Variants in PDLIM7 observed in about 807,000 individuals in gnomAD.
PDLIM7 encodes PDZ and LIM domain protein 7.
Under a neutral mutation model 53.9 loss-of-function variants are expected in PDLIM7, and 37 were observed. The observed-to-expected ratio is 0.69, with a 90% confidence interval of 0.53 to 0.90. PDLIM7 has a LOEUF of 0.90. Ranked by LOEUF, PDLIM7 falls within the 40% of genes least tolerant of loss-of-function variation. PDLIM7 has a pLI of 0.00. For synonymous variants in PDLIM7, 300 were observed against 261.3 expected (o/e 1.15, Z -1.43); for missense variants, 617 against 638.5 (o/e 0.97, Z 0.36).
intron 8 of PDLIM7, 63 bp from the exon 9 acceptor site, chr5:177,489,690 A>T (rs1758647518): frequency 6.7e-7 from 1 of 1,489,770 alleles, no homozygotes; most frequent in Admixed American, 2.2e-5. Context: ...GTGGAGCCCC[A>T]GGCAGCTGAG....
At chr5:177,486,322 G>A (rs1230643555) in intron 10 of PDLIM7, among the ~76,000 whole-genome samples, 2 of 152,182 alleles carry the variant, frequency 1.3e-5, no homozygotes, top group Non-Finnish European at 2.9e-5. Context: ...TTCGGATGGT[G>A]CATTTCTGCC....
intron 2 of PDLIM7, among the ~76,000 whole-genome samples, chr5:177,495,369 G>T (rs192429834): frequency 1.3e-5 from 2 of 152,176 alleles, no homozygotes; most frequent in African/African-American, 4.8e-5. Context: ...GGCTGGGCTT[G>T]CCTTGGGCTT....
At chr5:177,490,538 G>T (rs752715444) in intron 7 of PDLIM7, 2 of 1,567,276 alleles carry the variant, frequency 1.3e-6, no homozygotes, top group Non-Finnish European at 8.6e-7. Context: ...CGCTGGTGGT[G>T]CCAGTCCCGG....
chr5:177,492,031 C>T (rs1411178084), intron 4 of PDLIM7, 106 bp from the exon 5 acceptor site: 7 of 455,112 alleles, frequency 1.5e-5, no homozygotes, highest in Non-Finnish European at 2.2e-5. Flanking sequence ...CAGCCCCCCA[C>T]CCCCACCCCA....
intron 9 of PDLIM7, among the ~76,000 whole-genome samples, chr5:177,488,985 T>C (rs567002069): frequency 1.3e-5 from 2 of 151,974 alleles, no homozygotes; most frequent in East Asian, 1.9e-4. Context: ...TGGGGGGTGT[T>C]TGATGCTGCT....
intron 1 of PDLIM7, chr5:177,496,875 C>CG (rs1018850041): frequency 1.8e-5 from 3 of 168,302 alleles, no homozygotes; most frequent in African/African-American, 7.2e-5. Context: ...AGTCAGGGGC[C>CG]GGCTCTCCTC....
At chr5:177,484,311 C>T (rs992562019) in intron 10 of PDLIM7, 121 bp from the exon 11 acceptor site, 1 of 1,203,074 alleles carries the variant, frequency 8.3e-7, no homozygotes. Context: ...CTACATCTAA[C>T]TGTTCAGGAC....
chr5:177,490,505 G>A (rs903173172), intron 7 of PDLIM7: 8 of 1,558,922 alleles, frequency 5.1e-6, no homozygotes, highest in Non-Finnish European at 6.9e-6. Context: ...GGCTACGACT[G>A]CACGTTGAGC....
Position 177,490,860 on chromosome 5 carries a change from G to T in PDLIM7, c.572+10C>A. 6.2e-7 allele frequency: 1 copy of T among 1,613,810 alleles called. No homozygotes were observed. Among genetic ancestry groups the T allele is most frequent in the Non-Finnish European group, 8.5e-7 (1 of 1,179,842 alleles). On this transcript the variant is annotated intron_variant, in intron 7 of 12. Coordinates refer to ENST00000355841, the MANE Select transcript of PDLIM7 (RefSeq NM_005451.5). ...GGAGGTGGGAGAGGGGCTGGTGCCC[G>T]TCCCTGTACCTTGATTTCTTCAGGT...
At chr5:177,492,221 TG>T in intron 4 of PDLIM7, 183 bp downstream of exon 4, 1 of 703,608 alleles carries the variant, frequency 1.4e-6, no homozygotes, top group Non-Finnish European at 2.3e-6. Flanking sequence ...CGGACATGCG[TG>T]GTGCCAGGAC....
intron 1 of PDLIM7, chr5:177,496,752 G>T (rs1463739327): frequency 8.9e-6 from 3 of 337,432 alleles, no homozygotes; most frequent in Admixed American, 5.0e-5. Flanking sequence ...GGACTGGAAC[G>T]GTGAGGGGTG....
intron 10 of PDLIM7, among the ~76,000 whole-genome samples, chr5:177,486,408 C>T (rs28717059): frequency 0.018 from 2,812 of 152,238 alleles, 89 homozygotes; most frequent in African/African-American, 0.065. Context: ...CCCTTCTCTT[C>T]AGTGAGGCCC....
At chr5:177,496,279 C>T in intron 2 of PDLIM7, 138 bp downstream of exon 2, 1 of 581,534 alleles carries the variant, frequency 1.7e-6, no homozygotes, top group Non-Finnish European at 2.9e-6. Flanking sequence ...CAGGCAGGTA[C>T]CACTACATCT....
chr5:177,491,279 G>T, intron 5 of PDLIM7, 133 bp from the exon 6 acceptor site: 2 of 1,435,014 alleles, frequency 1.4e-6, no homozygotes, highest in Non-Finnish European at 1.9e-6. Context: ...CAGGAGCCCT[G>T]CTGGGCGGGT....
At position 177,483,699 on chromosome 5, in the gene PDLIM7, A is replaced by G. The variant is rs762185180; in HGVS notation, c.1319T>C (p.Phe440Ser). ...GAGAGGCCTGTCCTTCTTGGAGTAG[A>G]AGGTCTTTCCTTCCAGGTTGATCTG... ...ICQINLEGKT[F>S]YSKKDRPLCK... The change falls in exon 13 of 13, where the codon TTC becomes TCC. Residue 440 changes from phenylalanine (F) to serine (S), a missense_variant. By Grantham distance (155) the Phe-to-Ser change is radical. Transcript: ENST00000355841. The G allele has an allele frequency of 6.2e-7, 1 of 1,613,296 alleles. No individual in the cohort carries two copies. The highest frequency in any genetic ancestry group is 1.7e-5 in the Admixed American group (1 of 59,994).
At position 177,489,825 on chromosome 5, in the gene PDLIM7, G is replaced by C. The variant is rs1758654962; in HGVS notation, c.580C>G (p.Pro194Ala). 1 of 1,585,820 alleles carries C rather than the reference G, an allele frequency of 6.3e-7. No homozygotes were observed. The highest frequency in any genetic ancestry group is 1.8e-5 in the Admixed American group (1 of 56,932). Residue 194 changes from proline to alanine, a missense_variant, in exon 8 of 13, where the codon CCC becomes GCC. Transcript: ENST00000355841. ...GCTGGGGCTGGGGCTTCTGTCCTGGGCACCTGGCTGCAAGATCTGCCATTC... is the reference window on the plus strand; with the variant it reads ...GCTGGGGCTGGGGCTTCTGTCCTGGCCACCTGGCTGCAAGATCTGCCATTC... ...EEHLKKSSQV[P>A]RTEAPAPASS...
chr5:177,490,543 T>C (rs1758698153), intron 7 of PDLIM7: 1 of 1,567,088 alleles, frequency 6.4e-7, no homozygotes, highest in Admixed American at 1.9e-5. Flanking sequence ...GTGGTGCCAG[T>C]CCCGGAGGCG....
intron 10 of PDLIM7, among the ~76,000 whole-genome samples, chr5:177,487,320 G>A (rs1380850669): frequency 6.6e-6 from 1 of 152,250 alleles, no homozygotes; most frequent in African/African-American, 2.4e-5. Flanking sequence ...AGCCTCCGTT[G>A]CCACTGGGTG....
At chr5:177,493,871 AG>A (rs1432860246) in intron 2 of PDLIM7, among the ~76,000 whole-genome samples, 2 of 152,186 alleles carry the variant, frequency 1.3e-5, no homozygotes, top group Non-Finnish European at 2.9e-5. Context: ...GAGGCTCCTC[AG>A]GTGGGTCAGT....
Sources: gnomAD v4.1 joint callset for allele counts (sites outside exome capture counted in the v4.1 genomes callset) on GRCh38, gnomAD v4.1.1 for gene constraint, MANE v1.5 for transcripts, NCBI Gene and HGNC (gene_info 2026-07-23, HGNC 2026-07-21) for gene names.